UTRN: variants seen among roughly 807,000 people sequenced by gnomAD.
UTRN encodes dystrophin-related protein 1.
Under a neutral mutation model 463.9 loss-of-function variants are expected in UTRN, and 283 were observed. That is an observed-to-expected ratio of 0.61 (90% confidence interval 0.55 to 0.67). UTRN has a LOEUF of 0.67. Ranked by LOEUF, UTRN falls within the 30% of genes least tolerant of loss-of-function variation. UTRN has a pLI of 0.00. For synonymous variants in UTRN, 1,442 were observed against 1,431.5 expected (o/e 1.01, Z -0.17); for missense variants, 3,922 against 4,084.3 (o/e 0.96, Z 1.08).
intron 13 of UTRN, among the ~76,000 whole-genome samples, chr6:144,443,380 A>G (rs1325438123): frequency 3.3e-5 from 5 of 152,342 alleles, no homozygotes; most frequent in Non-Finnish European, 7.3e-5. Flanking sequence ...AGAGAGGTTA[A>G]GTAGTCCTCC....
intron 51 of UTRN, among the ~76,000 whole-genome samples, chr6:144,598,440 G>A (rs946763951): frequency 3.3e-5 from 5 of 152,246 alleles, no homozygotes; most frequent in African/African-American, 1.2e-4. Flanking sequence ...TGCAGATGAA[G>A]CCTCTAGTTA....
intron 51 of UTRN, among the ~76,000 whole-genome samples, chr6:144,676,402 C>T (rs1781592684): frequency 6.6e-6 from 1 of 152,208 alleles, no homozygotes; most frequent in South Asian, 2.1e-4. Context: ...TAAATATGTG[C>T]ATAAAGGCTA....
intron 19 of UTRN, among the ~76,000 whole-genome samples, chr6:144,456,956 ACTGAGTG>A (rs1788901490): frequency 1.3e-5 from 2 of 152,114 alleles, no homozygotes; most frequent in Admixed American, 1.3e-4. Flanking sequence ...GTCAAGTGAG[ACTGAGTG>A]GCAGGAATGT....
intron 74 of UTRN, among the ~76,000 whole-genome samples, chr6:144,848,516 T>C (rs1782215017): frequency 6.6e-6 from 1 of 152,162 alleles, no homozygotes; most frequent in Non-Finnish European, 1.5e-5. Context: ...GAAATAAAGA[T>C]GGGAGGATCA....
At chr6:144,751,337 A>G (rs557485249) in intron 55 of UTRN, among the ~76,000 whole-genome samples, 1 of 152,230 alleles carries the variant, frequency 6.6e-6, no homozygotes, top group Non-Finnish European at 1.5e-5. Flanking sequence ...AAAAGTTTGA[A>G]TTATAATTTT....
At chr6:144,343,924 C>A (rs1777345428) in intron 2 of UTRN, among the ~76,000 whole-genome samples, 1 of 151,888 alleles carries the variant, frequency 6.6e-6, no homozygotes, top group Non-Finnish European at 1.5e-5. Flanking sequence ...AAGTTATAAT[C>A]TCTGTCATAG....
At chr6:144,537,124 C>T (rs1246142349) in intron 43 of UTRN, among the ~76,000 whole-genome samples, 2 of 152,008 alleles carry the variant, frequency 1.3e-5, no homozygotes, top group African/African-American at 4.8e-5. Context: ...ATGAATAAAG[C>T]AGAGTAATAG....
chr6:144,799,033 C>T lies in UTRN; in HGVS notation c.9245+1043C>T, dbSNP rs546186989. The stretch of plus-strand genomic sequence containing the variant: ...GGGATTACAGGCGTGAGCCGCCATA[C>T]CTGGCCCTATGTGTATCTTTTATTC... On this transcript the variant is annotated intron_variant, in intron 64 of 74. Coordinates refer to ENST00000367545, the MANE Select transcript of UTRN (RefSeq NM_007124.3). 7.9e-5 allele frequency among the ~76,000 whole-genome samples: 12 copies of T among 152,358 alleles called. 1 individual carries two copies. In the East Asian group the frequency reaches 1.3e-3, roughly 17 times the overall value.
At chr6:144,463,886 G>T (rs890128070) in intron 23 of UTRN, among the ~76,000 whole-genome samples, 11 of 151,022 alleles carry the variant, frequency 7.3e-5, no homozygotes, top group African/African-American at 2.4e-4. Flanking sequence ...TATATATATA[G>T]GGAGATGTCT....
At chr6:144,628,545 C>T (rs565588029) in intron 51 of UTRN, among the ~76,000 whole-genome samples, 1 of 152,150 alleles carries the variant, frequency 6.6e-6, no homozygotes. Context: ...TTTAGAACTT[C>T]CAACATTTTC....
At chr6:144,801,455 A>G (rs1237786288) in intron 64 of UTRN, among the ~76,000 whole-genome samples, 1 of 152,202 alleles carries the variant, frequency 6.6e-6, no homozygotes, top group Non-Finnish European at 1.5e-5. Context: ...AGAAATAAAG[A>G]TAGAGGAATA....
chr6:144,417,501 C>G (rs896394960), intron 3 of UTRN, among the ~76,000 whole-genome samples: 25 of 148,884 alleles, frequency 1.7e-4, no homozygotes, highest in African/African-American at 6.5e-4. Context: ...ACAACTAAAT[C>G]TTTATAAGTC....
intron 51 of UTRN, among the ~76,000 whole-genome samples, chr6:144,659,632 T>G (rs560154400): frequency 1.3e-5 from 2 of 152,094 alleles, no homozygotes; most frequent in South Asian, 4.2e-4. Context: ...TGTCCTGTGT[T>G]TTGGTGTTTC....
At chr6:144,714,885 T>C (rs1786213869) in intron 53 of UTRN, among the ~76,000 whole-genome samples, 1 of 151,992 alleles carries the variant, frequency 6.6e-6, no homozygotes, top group Non-Finnish European at 1.5e-5. Flanking sequence ...CGGACTCTAC[T>C]TGACTTCTAG....
intron 14 of UTRN, among the ~76,000 whole-genome samples, chr6:144,446,867 G>A (rs944639549): frequency 3.3e-5 from 5 of 152,172 alleles, no homozygotes; most frequent in East Asian, 3.9e-4. Context: ...GACAATCTCC[G>A]AGCTTACTTC....
At chr6:144,489,779 G>C (rs1266424649) in intron 30 of UTRN, among the ~76,000 whole-genome samples, 3 of 151,738 alleles carry the variant, frequency 2.0e-5, no homozygotes, top group African/African-American at 7.3e-5. Flanking sequence ...CCGCCACCGT[G>C]CCCAGCTAAT....
At position 144,440,820 on chromosome 6, in the gene UTRN, G is replaced by A. The variant is rs556285698; in HGVS notation, c.1512+349G>A. ...GAAAAAGAGGTTTAAGGGACTTACA[G>A]TTCCATGTGGCTGGGGAGACCTCAC... On this transcript the variant is annotated intron_variant, in intron 13 of 74. Coordinates refer to ENST00000367545, the MANE Select transcript of UTRN (RefSeq NM_007124.3). Among the ~76,000 whole-genome samples the A allele has an allele frequency of 5.3e-5, 8 of 152,334 alleles. No homozygotes were observed. In the South Asian group the frequency reaches 1.5e-3, roughly 28 times the overall value.
chr6:144,342,344 C>T (rs559008675), intron 2 of UTRN, among the ~76,000 whole-genome samples: 38 of 52,076 alleles, frequency 7.3e-4, no homozygotes, highest in Admixed American at 1.5e-3. Context: ...TACACACATA[C>T]ACACACACAC....
chr6:144,596,634 G>A (rs560450197), intron 51 of UTRN, among the ~76,000 whole-genome samples: 1 of 152,228 alleles, frequency 6.6e-6, no homozygotes, highest in Non-Finnish European at 1.5e-5. Flanking sequence ...TTACTTGAAG[G>A]TGGTTCCAAA....
Sources: gnomAD v4.1 joint callset for allele counts (sites outside exome capture counted in the v4.1 genomes callset) on GRCh38, gnomAD v4.1.1 for gene constraint, MANE v1.5 for transcripts, NCBI Gene and HGNC (gene_info 2026-07-23, HGNC 2026-07-21) for gene names.